Variants in DIP2C observed in about 807,000 individuals in gnomAD.
DIP2C encodes the protein disco-interacting protein 2 homolog C.
A neutral mutation model predicts 192.4 loss-of-function variants in DIP2C; 33 were observed. The observed-to-expected ratio is 0.17, with a 90% CI of 0.13 to 0.23. The LOEUF is 0.23. Among genes scored for constraint, DIP2C ranks in the 10% least tolerant of loss-of-function variants. The pLI is 1.00. For missense variants in DIP2C, 1,537 were observed against 2,110.1 expected (o/e 0.73, Z 5.32); for synonymous variants, 979 against 864.1 (o/e 1.13, Z -2.33).
At chr10:559,814 G>A (rs1849103782) in intron 1 of DIP2C, among the ~76,000 whole-genome samples, 1 of 152,178 alleles carries the variant, frequency 6.6e-6, no homozygotes, top group Non-Finnish European at 1.5e-5. Context: ...GGCCACTGCT[G>A]GGGCCCCTGC....
intron 13 of DIP2C, among the ~76,000 whole-genome samples, chr10:389,491 G>A (rs1414580241): frequency 6.6e-6 from 1 of 152,170 alleles, no homozygotes; most frequent in African/African-American, 2.4e-5. Flanking sequence ...CAATTGGGAG[G>A]GTGGGTGGAC....
rs1379734426 is a variant in DIP2C at position 363,362 on chromosome 10, C to T, written c.2478-51G>A. 6.5e-7 allele frequency: 1 copy of T among 1,529,456 alleles called. No homozygotes were observed. The highest frequency in any genetic ancestry group is 9.0e-7 in the Non-Finnish European group (1 of 1,115,362). 94.7% of individuals were successfully genotyped at this position (1,529,456 alleles called of 1,614,324 possible). On this transcript the variant is annotated intron_variant, in intron 20 of 36. Transcript: ENST00000280886. This position sits in a 1 kb window ranked among gnomAD's most constrained non-coding sequence, Gnocchi z 5.4. ...GCACGCGCCGGGGACGCTCATGCAG[C>T]CCTCCCTCCGCCATCAGGGGCTCCA...
chr10:311,066 C>A lies in DIP2C; in HGVS notation c.3925-974G>T, dbSNP rs185421870. 1.4e-4 allele frequency among the ~76,000 whole-genome samples: 21 copies of A among 152,052 alleles called. No individual in the cohort carries two copies. In the East Asian group the frequency reaches 3.5e-3, roughly 25 times the overall value. ...TGTCATGAAAACATACCATAGTACT[C>A]AATAACCCTGGGCCCTGGTATCTCA... On this transcript the variant is annotated intron_variant, in intron 31 of 36. Coordinates refer to ENST00000280886, the MANE Select transcript of DIP2C (RefSeq NM_014974.3).
intron 1 of DIP2C, among the ~76,000 whole-genome samples, chr10:677,442 G>C (rs902068817): frequency 2.0e-5 from 3 of 152,158 alleles, no homozygotes; most frequent in African/African-American, 7.2e-5. Context: ...AATCCCAACA[G>C]CTTCTGAGTA....
At position 684,817 on chromosome 10, in the gene DIP2C, A is replaced by T. The variant is rs189792255; in HGVS notation, c.85+4677T>A. Among the ~76,000 whole-genome samples the T allele has an allele frequency of 2.0e-5, 3 of 152,238 alleles. No individual in the cohort carries two copies. In the East Asian group the frequency reaches 5.8e-4, roughly 29 times the overall value. On this transcript the variant is annotated intron_variant, in intron 1 of 36. Transcript: ENST00000280886. ...TGTGAAGACCATGTCTCTGTACTTG[A>T]CACGTATTCATATGTGCTAACAGTA...
chr10:469,337 GAC>G (rs1169396746), intron 3 of DIP2C, among the ~76,000 whole-genome samples: 11 of 126,880 alleles, frequency 8.7e-5, no homozygotes, highest in African/African-American at 2.4e-4. Context: ...TTTTTTTTGA[GAC>G]ACAGTCTCAC....
At chr10:359,136 T>C (rs947318245) in intron 22 of DIP2C, among the ~76,000 whole-genome samples, 13 of 152,194 alleles carry the variant, frequency 8.5e-5, no homozygotes, top group African/African-American at 3.1e-4. Context: ...AGAACAAGGC[T>C]TCGGATGAGC....
At chr10:560,393 A>G (rs939690610) in intron 1 of DIP2C, among the ~76,000 whole-genome samples, 4 of 151,918 alleles carry the variant, frequency 2.6e-5, no homozygotes, top group Non-Finnish European at 5.9e-5. Context: ...AAAAAAAAAA[A>G]GAAAAAAGTG....
intron 1 of DIP2C, among the ~76,000 whole-genome samples, chr10:576,104 G>C (rs561660814): frequency 2.0e-5 from 3 of 152,164 alleles, no homozygotes; most frequent in Admixed American, 6.5e-5. Context: ...GCTCCTGTAC[G>C]GGTTTGCTGA....
At chr10:615,858 G>A (rs772519227) in intron 1 of DIP2C, among the ~76,000 whole-genome samples, 9 of 152,128 alleles carry the variant, frequency 5.9e-5, no homozygotes, top group African/African-American at 9.7e-5. Flanking sequence ...TTTAGGAAAC[G>A]ACACGCAGCC....
chr10:485,476 A>T (rs180953110), intron 2 of DIP2C, among the ~76,000 whole-genome samples: 20 of 152,324 alleles, frequency 1.3e-4, no homozygotes, highest in African/African-American at 3.8e-4. Flanking sequence ...GTCCACAGAA[A>T]CATGTTCACT....
chr10:369,781 A>T, intron 17 of DIP2C, 148 bp from the exon 18 acceptor site: 1 of 1,416,756 alleles, frequency 7.1e-7, no homozygotes, highest in Non-Finnish European at 9.7e-7. Context: ...ATGTGGCTGC[A>T]TTAGGGGATG....
chr10:355,294 C>T (rs529301378), intron 24 of DIP2C, among the ~76,000 whole-genome samples: 2 of 152,346 alleles, frequency 1.3e-5, no homozygotes, highest in South Asian at 2.1e-4. Context: ...AGACGACACG[C>T]GCTTCTCTGG....
intron 1 of DIP2C, chr10:668,407 C>G (rs1389691016): frequency 6.6e-6 from 1 of 152,174 alleles, no homozygotes; most frequent in Non-Finnish European, 1.5e-5. Flanking sequence ...ACAGCACACT[C>G]ATACAACATA....
intron 2 of DIP2C, among the ~76,000 whole-genome samples, chr10:479,328 C>CTTTTTTTT (rs766379689): frequency 1.1e-5 from 1 of 88,456 alleles, no homozygotes; most frequent in Non-Finnish European, 2.2e-5. Context: ...TCTCACACTG[C>CTTTTTTTT]TTTTTTTTTT....
chr10:349,175 GAC>G (rs1301412225), intron 25 of DIP2C, among the ~76,000 whole-genome samples, 154 bp downstream of exon 25: 1 of 152,214 alleles, frequency 6.6e-6, no homozygotes, highest in Non-Finnish European at 1.5e-5. Flanking sequence ...GTCGTAGCCA[GAC>G]ACAAACGGGC....
chr10:413,290 G>A (rs1341588189), intron 8 of DIP2C, among the ~76,000 whole-genome samples: 1 of 152,188 alleles, frequency 6.6e-6, no homozygotes, highest in Non-Finnish European at 1.5e-5. Context: ...TAATTGTACT[G>A]AAGACTTAAG....
intron 1 of DIP2C, among the ~76,000 whole-genome samples, chr10:585,823 A>G (rs1259685940): frequency 6.6e-6 from 1 of 152,188 alleles, no homozygotes; most frequent in Non-Finnish European, 1.5e-5. Context: ...TACATGACCC[A>G]AAGATGATTA....
At chr10:290,350 A>G (rs993844955) in intron 32 of DIP2C, among the ~76,000 whole-genome samples, 2 of 152,230 alleles carry the variant, frequency 1.3e-5, no homozygotes, top group African/African-American at 4.8e-5. Context: ...GCAAGAAACT[A>G]AAGAACTTTT....
Sources: allele counts gnomAD v4.1 joint callset (sites outside exome capture counted in the v4.1 genomes callset), GRCh38; gene constraint gnomAD v4.1.1; non-coding constraint Gnocchi (gnomAD v3.1); transcripts MANE v1.5; gene names NCBI Gene and HGNC (gene_info 2026-07-23, HGNC 2026-07-21).